Variants in PDE4D observed in about 807,000 individuals in gnomAD.
PDE4D encodes phosphodiesterase 4D.
A neutral mutation model predicts 87.4 loss-of-function variants in PDE4D; 24 were observed. The observed-to-expected ratio is 0.27, with a 90% CI of 0.20 to 0.39. PDE4D has a LOEUF of 0.39. Ranked by LOEUF, PDE4D falls within the 10% of genes least tolerant of loss-of-function variation. The pLI is 1.00. For synonymous variants in PDE4D, 384 were observed against 383.2 expected, an observed-to-expected ratio of 1.00 and a Z score of -0.02; for missense variants, 714 against 1,041.0, an observed-to-expected ratio of 0.69 and a Z score of 4.32.
At chr5:59,222,187 T>A (rs1395088058) in intron 1 of PDE4D, among the ~76,000 whole-genome samples, 1 of 152,192 alleles carries the variant, frequency 6.6e-6, no homozygotes, top group Non-Finnish European at 1.5e-5. Context: ...TGGATGGTAA[T>A]ACAGTTCCAA....
intron 1 of PDE4D, among the ~76,000 whole-genome samples, chr5:60,508,704 A>G (rs554376242): frequency 6.6e-6 from 1 of 152,328 alleles, no homozygotes; most frequent in East Asian, 1.9e-4. Context: ...TTCTGGTCAC[A>G]ATATTTTCAT....
chr5:59,478,652 T>A (rs1032834941), intron 1 of PDE4D, among the ~76,000 whole-genome samples: 1 of 152,106 alleles, frequency 6.6e-6, no homozygotes, highest in Non-Finnish European at 1.5e-5. Flanking sequence ...ACACTAAATC[T>A]ACAGTTTTTG....
At chr5:60,156,133 T>A (rs1014044429) in intron 2 of PDE4D, among the ~76,000 whole-genome samples, 1 of 152,218 alleles carries the variant, frequency 6.6e-6, no homozygotes, top group Non-Finnish European at 1.5e-5. Flanking sequence ...GAACCTGGGC[T>A]AGCCACAGGA....
At chr5:59,751,958 AGGGTGCCT>A (rs1239327184) in intron 1 of PDE4D, among the ~76,000 whole-genome samples, 1 of 152,210 alleles carries the variant, frequency 6.6e-6, no homozygotes, top group Non-Finnish European at 1.5e-5. Flanking sequence ...AATGCTCAGT[AGGGTGCCT>A]GGGACTTCTC....
At chr5:59,252,021 G>T (rs1219738618) in intron 1 of PDE4D, among the ~76,000 whole-genome samples, 1 of 152,118 alleles carries the variant, frequency 6.6e-6, no homozygotes, top group East Asian at 1.9e-4. Flanking sequence ...GGGTCTACTT[G>T]ATCAGGGAGG....
intron 1 of PDE4D, among the ~76,000 whole-genome samples, chr5:59,310,090 G>T (rs11959132): frequency 6.6e-6 from 1 of 151,978 alleles, no homozygotes; most frequent in Non-Finnish European, 1.5e-5. Flanking sequence ...GGACTTCAGA[G>T]TCTGTACTGA....
intron 1 of PDE4D, among the ~76,000 whole-genome samples, chr5:59,433,153 T>C (rs895455705): frequency 6.6e-6 from 1 of 152,090 alleles, no homozygotes; most frequent in Admixed American, 6.6e-5. Context: ...TTTAGGAGAT[T>C]GCCCAGTAGA....
intron 1 of PDE4D, among the ~76,000 whole-genome samples, chr5:59,873,608 C>T (rs540199899): frequency 9.1e-4 from 139 of 152,290 alleles, no homozygotes; most frequent in Admixed American, 1.4e-3. Flanking sequence ...CGACACAGTA[C>T]ATTGCAGAAA....
At chr5:60,433,890 G>A (rs1248889420) in intron 1 of PDE4D, among the ~76,000 whole-genome samples, 5 of 152,116 alleles carry the variant, frequency 3.3e-5, no homozygotes, top group East Asian at 1.9e-4. Flanking sequence ...TGGACACAAC[G>A]AAGAGAAGGA....
chr5:59,330,460 A>G (rs1345841156), intron 1 of PDE4D, among the ~76,000 whole-genome samples: 1 of 152,048 alleles, frequency 6.6e-6, no homozygotes, highest in Admixed American at 6.6e-5. Context: ...GAAGGGTAAA[A>G]GTCTTCATGC....
At chr5:59,462,061 G>A (rs979624301) in intron 1 of PDE4D, among the ~76,000 whole-genome samples, 1 of 151,958 alleles carries the variant, frequency 6.6e-6, no homozygotes, top group Non-Finnish European at 1.5e-5. Flanking sequence ...AGTAATGGAG[G>A]CAAATAACAT....
At chr5:59,906,995 A>T (rs142623129) in intron 3 of PDE4D, among the ~76,000 whole-genome samples, 2 of 152,298 alleles carry the variant, frequency 1.3e-5, no homozygotes, top group East Asian at 3.9e-4. Context: ...CCTGTCAATG[A>T]CAGATTTGGT....
Position 60,142,934 on chromosome 5 carries a change from G to A in PDE4D, c.42+42623C>T, listed in dbSNP as rs1582847121. On this transcript the variant is annotated intron_variant, in intron 2 of 16. Coordinates refer to the PDE4D transcript ENST00000502484. ...GAAGGTGTGAAAGAAAATTTGCAGA[G>A]GTAGAATCAACAGATCTTGATAGTC... 2.0e-5 allele frequency among the ~76,000 whole-genome samples: 3 copies of A among 152,088 alleles called. No individual in the cohort carries two copies. The East Asian group carries it at 5.8e-4, about 29-fold the overall frequency.
At chr5:60,442,255 C>G (rs769188571) in intron 1 of PDE4D, among the ~76,000 whole-genome samples, 1 of 152,118 alleles carries the variant, frequency 6.6e-6, no homozygotes, top group African/African-American at 2.4e-5. Context: ...GAATACTATG[C>G]GGTCATAAAA....
intron 1 of PDE4D, among the ~76,000 whole-genome samples, chr5:59,876,926 A>G (rs1041525910): frequency 6.6e-6 from 1 of 152,216 alleles, no homozygotes; most frequent in Non-Finnish European, 1.5e-5. Flanking sequence ...AAAAATACAT[A>G]GTAATTGTCC....
At chr5:60,379,231 C>T (rs1003710892) in intron 1 of PDE4D, among the ~76,000 whole-genome samples, 1 of 151,662 alleles carries the variant, frequency 6.6e-6, no homozygotes, top group East Asian at 1.9e-4. Context: ...CCAAAGAAGT[C>T]GTTTTGGCTA....
chr5:59,635,008 G>C (rs1832053794), intron 1 of PDE4D, among the ~76,000 whole-genome samples: 1 of 152,108 alleles, frequency 6.6e-6, no homozygotes, highest in Non-Finnish European at 1.5e-5. Flanking sequence ...AAGAAGAAAA[G>C]AGAGAAGAAT....
At chr5:60,245,292 G>A (rs912581212) in intron 1 of PDE4D, among the ~76,000 whole-genome samples, 3 of 151,872 alleles carry the variant, frequency 2.0e-5, no homozygotes, top group Non-Finnish European at 4.4e-5. Flanking sequence ...ACAAATGCTG[G>A]CGAGGATGTG....
chr5:59,249,287 G>A (rs1303384979), intron 1 of PDE4D, among the ~76,000 whole-genome samples: 1 of 152,010 alleles, frequency 6.6e-6, no homozygotes, highest in Non-Finnish European at 1.5e-5. Flanking sequence ...CTAATATGTG[G>A]ATAAAGATTT....
Sources: allele counts gnomAD v4.1 joint callset (sites outside exome capture counted in the v4.1 genomes callset), GRCh38; gene constraint gnomAD v4.1.1; transcripts MANE v1.5; gene names NCBI Gene and HGNC (gene_info 2026-07-23, HGNC 2026-07-21).